Variants in KCNH8 observed in about 807,000 individuals in gnomAD.
KCNH8 encodes voltage-gated delayed rectifier potassium channel KCNH8.
Under a neutral mutation model 103.6 loss-of-function variants are expected in KCNH8, and 70 were observed. That is an observed-to-expected ratio of 0.68 (90% CI 0.56 to 0.82). KCNH8 has a LOEUF of 0.82. KCNH8 is among the 40% of genes least tolerant of loss of function. The pLI is 0.00. For synonymous variants in KCNH8, 498 were observed against 489.4 expected (o/e 1.02, Z -0.23); for missense variants, 1,217 against 1,329.9 (o/e 0.92, Z 1.32).
At chr3:19,272,314 T>G (rs1049603792) in intron 2 of KCNH8, among the ~76,000 whole-genome samples, 1 of 151,974 alleles carries the variant, frequency 6.6e-6, no homozygotes, top group Non-Finnish European at 1.5e-5. Context: ...ATAGATGATA[T>G]TCTGCCAAAA....
chr3:19,238,560 GA>G (rs2064094159), intron 1 of KCNH8, among the ~76,000 whole-genome samples: 1 of 152,136 alleles, frequency 6.6e-6, no homozygotes, highest in African/African-American at 2.4e-5. Context: ...GCATGCTGAG[GA>G]AATACATTTT....
chr3:19,240,691 C>T (rs2064128748), intron 1 of KCNH8, among the ~76,000 whole-genome samples: 2 of 151,730 alleles, frequency 1.3e-5, no homozygotes, highest in African/African-American at 2.4e-5. Context: ...GCTTAATAGA[C>T]TTCTTAAACA....
chr3:19,231,438 T>C (rs1575453894), intron 1 of KCNH8, among the ~76,000 whole-genome samples: 1 of 152,318 alleles, frequency 6.6e-6, no homozygotes, highest in African/African-American at 2.4e-5. Flanking sequence ...AATGGAATTA[T>C]ACTTTTTTTA....
chr3:19,258,767 G>A (rs1390348615), intron 2 of KCNH8, among the ~76,000 whole-genome samples: 6 of 151,592 alleles, frequency 4.0e-5, no homozygotes, highest in Admixed American at 6.6e-5. Context: ...ACTCAGAGGC[G>A]TAGCATTTGC....
intron 1 of KCNH8, among the ~76,000 whole-genome samples, chr3:19,239,989 C>T (rs1452500096): frequency 1.3e-5 from 2 of 151,948 alleles, no homozygotes; most frequent in Admixed American, 6.6e-5. Context: ...CCCCAGTGTT[C>T]GTGGACTCAA....
At chr3:19,172,145 C>T (rs1385156802) in intron 1 of KCNH8, among the ~76,000 whole-genome samples, 2 of 152,046 alleles carry the variant, frequency 1.3e-5, no homozygotes, top group Non-Finnish European at 2.9e-5. Context: ...GTACAAGTAA[C>T]AAAAGAGCAA....
intron 1 of KCNH8, among the ~76,000 whole-genome samples, chr3:19,251,721 A>G (rs1004932356): frequency 1.3e-5 from 2 of 152,118 alleles, no homozygotes; most frequent in Non-Finnish European, 2.9e-5. Flanking sequence ...TAGGCAATAT[A>G]TAAAGCATGT....
chr3:19,248,661 T>G (rs2064237959), intron 1 of KCNH8, among the ~76,000 whole-genome samples: 1 of 152,206 alleles, frequency 6.6e-6, no homozygotes, highest in African/African-American at 2.4e-5. Flanking sequence ...GCATTGGATC[T>G]TAGACAGGAA....
chr3:19,174,358 C>T (rs1285084826), intron 1 of KCNH8, among the ~76,000 whole-genome samples: 2 of 151,974 alleles, frequency 1.3e-5, no homozygotes, highest in Non-Finnish European at 2.9e-5. Context: ...TGGCAGTTTC[C>T]TCAAAAATAG....
chr3:19,351,513 C>T (rs906571624), intron 5 of KCNH8, among the ~76,000 whole-genome samples: 29 of 152,240 alleles, frequency 1.9e-4, no homozygotes, highest in African/African-American at 6.0e-4. Flanking sequence ...CAAAGGGAAG[C>T]CCATCAGACT....
chr3:19,501,234 T>C (rs1030870824), intron 11 of KCNH8, among the ~76,000 whole-genome samples: 14 of 151,882 alleles, frequency 9.2e-5, no homozygotes, highest in African/African-American at 3.4e-4. Context: ...CAGGAAGAAG[T>C]TGAATCTCTG....
chr3:19,148,797 T>A lies in KCNH8; in HGVS notation c.76+2T>A. ...TCGCCACCCGTTTTGACGGAACACG[T>A]AAGTCTTACACTTGAACGAGTGGTA... On this transcript the variant is annotated splice_donor_variant, in intron 1 of 15. Transcript: ENST00000328405. LOFTEE classifies it high-confidence loss of function. 1.2e-6 allele frequency: 2 copies of A among 1,613,354 alleles called. No homozygotes were observed. The highest frequency in any genetic ancestry group is 2.7e-5 in the African/African-American group (2 of 75,052).
chr3:19,507,068 G>A (rs2068706998), intron 11 of KCNH8, among the ~76,000 whole-genome samples: 1 of 152,132 alleles, frequency 6.6e-6, no homozygotes, highest in African/African-American at 2.4e-5. Context: ...CCTGCCACTG[G>A]AAATGTTCAG....
intron 3 of KCNH8, among the ~76,000 whole-genome samples, chr3:19,328,563 A>AT (rs1464560450): frequency 1.3e-5 from 2 of 152,112 alleles, no homozygotes; most frequent in African/African-American, 2.4e-5. Context: ...TTTTAGGGCC[A>AT]TTTTTTCTAT....
intron 5 of KCNH8, among the ~76,000 whole-genome samples, chr3:19,366,738 T>A (rs1231855462): frequency 6.6e-6 from 1 of 152,068 alleles, no homozygotes; most frequent in Non-Finnish European, 1.5e-5. Flanking sequence ...GTATTTTCCA[T>A]CTCAGTCCAT....
At chr3:19,504,781 G>A (rs1454876587) in intron 11 of KCNH8, among the ~76,000 whole-genome samples, 2 of 151,892 alleles carry the variant, frequency 1.3e-5, no homozygotes, top group Non-Finnish European at 2.9e-5. Flanking sequence ...TCCTCAAAGA[G>A]CTAAAAACAG....
At chr3:19,473,892 T>C (rs1310196680) in intron 11 of KCNH8, among the ~76,000 whole-genome samples, 5 of 139,022 alleles carry the variant, frequency 3.6e-5, no homozygotes, top group South Asian at 2.2e-4. Flanking sequence ...CCTGTGGATA[T>C]GGATATGTTA....
chr3:19,315,880 T>C (rs1168915022), intron 3 of KCNH8, among the ~76,000 whole-genome samples: 2 of 151,980 alleles, frequency 1.3e-5, no homozygotes, highest in African/African-American at 2.4e-5. Flanking sequence ...ATATAAGAAT[T>C]GCTTCAAAAA....
intron 3 of KCNH8, among the ~76,000 whole-genome samples, chr3:19,308,618 C>G (rs187676148): frequency 6.8e-6 from 1 of 146,956 alleles, no homozygotes; most frequent in African/African-American, 2.5e-5. Context: ...TTCCAACAAG[C>G]CCACACATGA....
Sources: gnomAD v4.1 joint callset for allele counts (sites outside exome capture counted in the v4.1 genomes callset) on GRCh38, gnomAD v4.1.1 for gene constraint, MANE v1.5 for transcripts, NCBI Gene and HGNC (gene_info 2026-07-23, HGNC 2026-07-21) for gene names.